The following SH3BGRL2 variants were observed in gnomAD, a reference collection of about 807,000 sequenced individuals.
The protein encoded by SH3BGRL2 is SH3 domain-binding glutamic acid-rich-like protein 2.
A neutral mutation model predicts 14.8 loss-of-function variants in SH3BGRL2; 21 were observed. The observed-to-expected ratio is 1.42, with a 90% confidence interval of 1.01 to 2.05. The LOEUF is 2.05. Among genes scored for constraint, SH3BGRL2 ranks in the 30% most tolerant of loss-of-function variants. SH3BGRL2 has a pLI of 0.00. For missense variants in SH3BGRL2, 147 were observed against 130.8 expected (o/e 1.12, Z -0.61); for synonymous variants, 50 against 47.8 (o/e 1.05, Z -0.19).
chr6:79,673,888 C>A, intron 2 of SH3BGRL2, 89 bp downstream of exon 2: 2 of 1,334,546 alleles, frequency 1.5e-6, no homozygotes, highest in Non-Finnish European at 2.1e-6. Context: ...CCAGTGAAGA[C>A]TGTGACTTCT....
chr6:79,648,272 AT>A (rs1562146714), intron 1 of SH3BGRL2, among the ~76,000 whole-genome samples: 2 of 129,362 alleles, frequency 1.5e-5, no homozygotes, highest in African/African-American at 2.8e-5. Flanking sequence ...ATATATATAT[AT>A]ATATATATAT....
the SH3BGRL2 span, among the ~76,000 whole-genome samples, chr6:79,620,264 C>T: frequency 2.3e-4 from 35 of 151,878 alleles, no homozygotes; most frequent in South Asian, 7.1e-3. Context: ...TATTTCTGTC[C>T]TACTCTTTTA....
chr6:79,616,320 C>T, the SH3BGRL2 span, among the ~76,000 whole-genome samples: 1 of 152,112 alleles, frequency 6.6e-6, no homozygotes, highest in Non-Finnish European at 1.5e-5. Flanking sequence ...TATAATCCTG[C>T]ATGTGGCATT....
chr6:79,603,168 G>A, the SH3BGRL2 span, among the ~76,000 whole-genome samples: 2 of 152,174 alleles, frequency 1.3e-5, no homozygotes, highest in Non-Finnish European at 2.9e-5. Context: ...GGACCTTACA[G>A]TGAAACCAGT....
chr6:79,695,410 A>G (rs1297274837), intron 2 of SH3BGRL2, among the ~76,000 whole-genome samples: 1 of 152,232 alleles, frequency 6.6e-6, no homozygotes, highest in Non-Finnish European at 1.5e-5. Flanking sequence ...CAGACAAGGC[A>G]TGCGTTGCAG....
intron 1 of SH3BGRL2, among the ~76,000 whole-genome samples, chr6:79,672,561 A>G (rs147704573): frequency 2.0e-5 from 3 of 152,126 alleles, no homozygotes; most frequent in African/African-American, 4.8e-5. Flanking sequence ...GCTGCATACT[A>G]TTAAAGTGAT....
At chr6:79,696,970 A>G (rs1770345376) in intron 3 of SH3BGRL2, among the ~76,000 whole-genome samples, 1 of 152,160 alleles carries the variant, frequency 6.6e-6, no homozygotes, top group African/African-American at 2.4e-5. Context: ...GTCTATAATA[A>G]TAAATGGTCA....
At chr6:79,622,104 T>C in the SH3BGRL2 span, among the ~76,000 whole-genome samples, 1 of 152,182 alleles carries the variant, frequency 6.6e-6, no homozygotes, top group Non-Finnish European at 1.5e-5. Flanking sequence ...CATCTTGTTA[T>C]GTGAAAGAAT....
At chr6:79,648,163 CAGCT>C (rs1769179712) in intron 1 of SH3BGRL2, among the ~76,000 whole-genome samples, 1 of 148,628 alleles carries the variant, frequency 6.7e-6, no homozygotes, top group Admixed American at 6.7e-5. Flanking sequence ...TCAGAGCTTA[CAGCT>C]TCAAGGCCTT....
At chr6:79,602,121 T>A in the SH3BGRL2 span, among the ~76,000 whole-genome samples, 1 of 152,210 alleles carries the variant, frequency 6.6e-6, no homozygotes, top group African/African-American at 2.4e-5. Flanking sequence ...AAAGGAAACA[T>A]TCATTCATTT....
At chr6:79,689,371 A>T (rs1224486518) in intron 2 of SH3BGRL2, among the ~76,000 whole-genome samples, 1 of 152,158 alleles carries the variant, frequency 6.6e-6, no homozygotes. Context: ...ATACAGCTTA[A>T]GAGAAATTTT....
rs111481121 is a variant in SH3BGRL2 at position 79,690,306 on chromosome 6, T to C, written c.232-6179T>C. Among the ~76,000 whole-genome samples, 556 of 152,288 alleles carry C rather than the reference T, an allele frequency of 3.7e-3. 4 individuals are homozygous for C. The highest frequency in any genetic ancestry group is 0.012 in the African/African-American group (519 of 41,566). On this transcript the variant is annotated intron_variant, in intron 2 of 3. Transcript: ENST00000369838. ...CCCAAATGACCACATAAGATATTTT[T>C]AATCACATAGAGACAGATGGTAGCC... is the stretch of plus-strand genomic sequence containing the variant.
At chr6:79,680,737 A>AT (rs571460606) in intron 2 of SH3BGRL2, among the ~76,000 whole-genome samples, 28 of 151,702 alleles carry the variant, frequency 1.8e-4, no homozygotes, top group African/African-American at 6.8e-4. Context: ...ATCTCCTTTA[A>AT]TTTTTTTCAG....
chr6:79,658,851 G>A (rs1226034235), intron 1 of SH3BGRL2, among the ~76,000 whole-genome samples: 3 of 152,192 alleles, frequency 2.0e-5, no homozygotes, highest in Non-Finnish European at 4.4e-5. Context: ...GCGTGAGATG[G>A]TATCTCATTG....
the SH3BGRL2 span, among the ~76,000 whole-genome samples, chr6:79,608,831 T>C: frequency 1.3e-5 from 2 of 152,184 alleles, no homozygotes; most frequent in African/African-American, 2.4e-5. Flanking sequence ...TCATTAGATA[T>C]AGGACACAGT....
chr6:79,547,164 G>A, the SH3BGRL2 span, among the ~76,000 whole-genome samples: 1 of 152,078 alleles, frequency 6.6e-6, no homozygotes, highest in Non-Finnish European at 1.5e-5. Context: ...TAGTATGCCT[G>A]AGAAGAGGAT....
chr6:79,590,424 GAT>G, the SH3BGRL2 span, among the ~76,000 whole-genome samples: 4,264 of 66,272 alleles, frequency 0.064, 115 homozygotes, highest in Non-Finnish European at 0.078. Flanking sequence ...AAGAAAATGT[GAT>G]ATATATATAT....
At chr6:79,564,141 T>C in the SH3BGRL2 span, among the ~76,000 whole-genome samples, 1 of 152,074 alleles carries the variant, frequency 6.6e-6, no homozygotes, top group East Asian at 1.9e-4. Context: ...AAAACTCACC[T>C]GTGGTATCTT....
the SH3BGRL2 span, among the ~76,000 whole-genome samples, chr6:79,571,169 G>C: frequency 1.3e-5 from 2 of 152,308 alleles, no homozygotes; most frequent in Non-Finnish European, 2.9e-5. Flanking sequence ...CTGGTATTCT[G>C]TCTCTGATGG....
Sources: allele counts gnomAD v4.1 joint callset (sites outside exome capture counted in the v4.1 genomes callset), GRCh38; gene constraint gnomAD v4.1.1; transcripts MANE v1.5; gene names NCBI Gene and HGNC (gene_info 2026-07-23, HGNC 2026-07-21).